Variants in PDE4D observed in about 807,000 individuals in gnomAD.
PDE4D encodes the protein phosphodiesterase 4D.
A neutral mutation model predicts 87.4 loss-of-function variants in PDE4D; 24 were observed. That is an observed-to-expected ratio of 0.27 (90% CI 0.20 to 0.39). The LOEUF is 0.39. Among genes scored for constraint, PDE4D ranks in the 10% least tolerant of loss-of-function variants. The probability of loss-of-function intolerance (pLI) is 1.00; values close to 1 mark genes in which losing one functional copy is unlikely to be tolerated. For missense variants in PDE4D, 714 were observed against 1,041.0 expected, an observed-to-expected ratio of 0.69 and a Z score of 4.32; for synonymous variants, 384 against 383.2, an observed-to-expected ratio of 1.00 and a Z score of -0.02.
rs564923475 is a variant in PDE4D at position 59,300,882 on chromosome 5, G to T, written c.456-84914C>A. Among the ~76,000 whole-genome samples the T allele has an allele frequency of 5.9e-5, 9 of 152,176 alleles. No homozygotes were observed. In the South Asian group the frequency reaches 1.9e-3, roughly 32 times the overall value. ...TGGCATACTCATAATCCTCTCTTTG[G>T]GTTCAATTAATTTGCTGGAGTGGCT... On this transcript the variant is annotated intron_variant, in intron 1 of 14. Transcript: ENST00000340635.
chr5:60,012,965 C>A lies in PDE4D; in HGVS notation c.43-24248G>T, dbSNP rs761587223. ...GTTTGGAGACAATGGCTCCAAACTA[C>A]CAAATTTTTCTCTTGCCTCTGCGCC... On this transcript the variant is annotated intron_variant, in intron 2 of 16. Transcript: ENST00000502484. 6.9e-4 allele frequency among the ~76,000 whole-genome samples: 105 copies of A among 152,132 alleles called. 1 individual carries two copies. Among genetic ancestry groups the A allele is most frequent in the Middle Eastern group, 3.2e-3 (1 of 316 alleles).
At chr5:60,338,564 T>C (rs1313537506) in intron 1 of PDE4D, among the ~76,000 whole-genome samples, 1 of 152,140 alleles carries the variant, frequency 6.6e-6, no homozygotes, top group Non-Finnish European at 1.5e-5. Flanking sequence ...AAGGACAGCC[T>C]CTTTCCAAGG....
chr5:60,305,290 G>A (rs1243629700), intron 1 of PDE4D, among the ~76,000 whole-genome samples: 1 of 151,950 alleles, frequency 6.6e-6, no homozygotes, highest in Non-Finnish European at 1.5e-5. Context: ...AAAAGGGAGA[G>A]AGAATTTTTT....
chr5:59,262,547 T>G (rs1762198498), intron 1 of PDE4D, among the ~76,000 whole-genome samples: 2 of 151,790 alleles, frequency 1.3e-5, no homozygotes, highest in Non-Finnish European at 2.9e-5. Flanking sequence ...TACAAGAAGG[T>G]AAGCCAACCC....
chr5:59,174,528 G>C (rs922434), intron 5 of PDE4D: 109,381 of 152,440 alleles, frequency 0.72, 39,501 homozygotes, highest in African/African-American at 0.75. Flanking sequence ...TTGCTTTAGG[G>C]TGCTGGTCTC....
At chr5:60,461,056 ATAGT>A (rs1314696759) in intron 1 of PDE4D, among the ~76,000 whole-genome samples, 1 of 152,172 alleles carries the variant, frequency 6.6e-6, no homozygotes, top group Admixed American at 6.5e-5. Context: ...TTATTATATA[ATAGT>A]TAGTTCTTTA....
chr5:59,250,498 A>C (rs1759728506), intron 1 of PDE4D, among the ~76,000 whole-genome samples: 1 of 151,508 alleles, frequency 6.6e-6, no homozygotes, highest in Non-Finnish European at 1.5e-5. Flanking sequence ...GCCTCGAAAA[A>C]AAAAAAAAGA....
At chr5:60,426,472 T>C (rs920894188) in intron 1 of PDE4D, among the ~76,000 whole-genome samples, 2 of 152,032 alleles carry the variant, frequency 1.3e-5, no homozygotes, top group East Asian at 1.9e-4. Context: ...TAGGTGGGAA[T>C]TGAACAATGA....
chr5:59,234,036 A>T (rs959646251), intron 1 of PDE4D, among the ~76,000 whole-genome samples: 2 of 152,146 alleles, frequency 1.3e-5, no homozygotes, highest in Non-Finnish European at 2.9e-5. Context: ...CTGTTTTCTA[A>T]AGGCATTTGA....
chr5:60,030,176 C>T (rs955360488), intron 2 of PDE4D, among the ~76,000 whole-genome samples: 15 of 152,168 alleles, frequency 9.9e-5, no homozygotes, highest in African/African-American at 3.4e-4. Flanking sequence ...TAAGGCCGGG[C>T]GCGGTGGCTC....
At chr5:60,112,988 G>A (rs548226137) in intron 2 of PDE4D, among the ~76,000 whole-genome samples, 3 of 152,202 alleles carry the variant, frequency 2.0e-5, no homozygotes, top group Admixed American at 1.3e-4. Context: ...ATCCAATCCA[G>A]GGAGATGAGA....
chr5:59,591,703 G>T (rs1291586455), intron 1 of PDE4D, among the ~76,000 whole-genome samples: 5 of 152,008 alleles, frequency 3.3e-5, no homozygotes, highest in African/African-American at 9.7e-5. Flanking sequence ...GATTACTTTT[G>T]TCCCTTAGAT....
intron 1 of PDE4D, among the ~76,000 whole-genome samples, chr5:59,756,780 T>C (rs867650137): frequency 6.6e-6 from 1 of 151,040 alleles, no homozygotes; most frequent in Non-Finnish European, 1.5e-5. Context: ...TCACAGTGGA[T>C]ACAATGATTG....
chr5:59,883,349 A>G (rs1749720417), intron 1 of PDE4D, among the ~76,000 whole-genome samples: 1 of 152,162 alleles, frequency 6.6e-6, no homozygotes, highest in Non-Finnish European at 1.5e-5. Context: ...GATACAGGAG[A>G]GTGAGTCTAG....
chr5:59,797,047 T>A (rs549117442), intron 1 of PDE4D: 1 of 152,190 alleles, frequency 6.6e-6, no homozygotes, highest in Admixed American at 6.5e-5. Context: ...TTCCATTTCC[T>A]TGTCATATAT....
At chr5:60,097,622 C>T (rs1401529804) in intron 2 of PDE4D, among the ~76,000 whole-genome samples, 1 of 151,896 alleles carries the variant, frequency 6.6e-6, no homozygotes, top group African/African-American at 2.4e-5. Context: ...AGACTGATAC[C>T]TTGCTTGCTC....
chr5:59,709,375 G>A (rs983835387), intron 1 of PDE4D, among the ~76,000 whole-genome samples: 1 of 152,110 alleles, frequency 6.6e-6, no homozygotes, highest in Non-Finnish European at 1.5e-5. Context: ...TGATTCCTGG[G>A]TGGTTTCACT....
At position 59,993,431 on chromosome 5, in the gene PDE4D, T is replaced by G. The variant is rs370380498; in HGVS notation, c.43-4714A>C. Among the ~76,000 whole-genome samples, 20 of 152,310 alleles carry G rather than the reference T, an allele frequency of 1.3e-4. No individual in the cohort carries two copies. The East Asian group carries it at 3.1e-3, about 23-fold the overall frequency. Reference sequence around the variant, plus strand: ...TAGTAAATGTTGATACATCATATGATGAAATACTATGAGGCTGTTAAAATA... The same window carrying G: ...TAGTAAATGTTGATACATCATATGAGGAAATACTATGAGGCTGTTAAAATA... On this transcript the variant is annotated intron_variant, in intron 2 of 16. Transcript: ENST00000502484.
At chr5:59,392,023 C>T (rs1233904526) in intron 1 of PDE4D, among the ~76,000 whole-genome samples, 2 of 150,620 alleles carry the variant, frequency 1.3e-5, no homozygotes, top group Non-Finnish European at 3.0e-5. Flanking sequence ...ATAAACTCCA[C>T]AAGGGTAGAA....
Sources: gnomAD v4.1 joint callset for allele counts (sites outside exome capture counted in the v4.1 genomes callset) on GRCh38, gnomAD v4.1.1 for gene constraint, MANE v1.5 for transcripts, NCBI Gene and HGNC (gene_info 2026-07-23, HGNC 2026-07-21) for gene names.